Variants in DLG2 observed in about 807,000 individuals in gnomAD.
The protein encoded by DLG2 is discs large MAGUK scaffold protein 2, also known as disks large homolog 2.
In DLG2, 45 loss-of-function variants were observed where a neutral mutation model predicts 132.5. That is an observed-to-expected ratio of 0.34 (90% CI 0.27 to 0.44). The LOEUF is 0.44. Among genes scored for constraint, DLG2 ranks in the 20% least tolerant of loss-of-function variants. The pLI is 1.00. For synonymous variants in DLG2, 424 were observed against 419.6 expected (o/e 1.01, Z -0.13); for missense variants, 1,045 against 1,196.9 (o/e 0.87, Z 1.87).
chr11:85,413,860 T>C (rs750793650), intron 3 of DLG2, among the ~76,000 whole-genome samples: 1 of 152,116 alleles, frequency 6.6e-6, no homozygotes, highest in East Asian at 1.9e-4. Flanking sequence ...TTATTTTTGC[T>C]TAGTCTTGCT....
intron 3 of DLG2, among the ~76,000 whole-genome samples, chr11:85,594,594 T>C (rs1188632588): frequency 6.6e-6 from 1 of 152,190 alleles, no homozygotes; most frequent in African/African-American, 2.4e-5. Flanking sequence ...CCATACTTTA[T>C]AAGTAATGAC....
Position 85,285,226 on chromosome 11 carries a change from A to C in DLG2, c.180T>G (p.Ser60=), listed in dbSNP as rs1162121508. 1 of 1,611,038 alleles carries C rather than the reference A, an allele frequency of 6.2e-7. No homozygotes were observed. Among genetic ancestry groups the C allele is most frequent in the East Asian group, 2.2e-5 (1 of 44,778 alleles). ...GGAAGTTTCAGTAGTATACCTCTGA[A>C]GATTTTTGAAGTCTGTCATGGCACG... is the stretch of plus-strand genomic sequence containing the variant. The part of the protein sequence containing the change: ...LAPCHDRLQK[S]SELTDCSGSK... The change falls in exon 4 of 28, where the codon TCT becomes TCG. Residue 60 remains serine (S), a synonymous_variant. Coordinates refer to ENST00000376104, the MANE Select transcript of DLG2 (RefSeq NM_001142699.3).
At chr11:83,843,675 A>C (rs7106788) in intron 16 of DLG2, among the ~76,000 whole-genome samples, 100,448 of 151,826 alleles carry the variant, frequency 0.66, 33,412 homozygotes, top group Middle Eastern at 0.77. Flanking sequence ...CTCTTGGGAT[A>C]TGTGGGAAGC....
chr11:84,752,822 G>C (rs903543429), intron 6 of DLG2, among the ~76,000 whole-genome samples: 6 of 141,958 alleles, frequency 4.2e-5, no homozygotes, highest in African/African-American at 1.6e-4. Flanking sequence ...TGCGGTGTTT[G>C]GTTTTTTGTT....
Position 84,059,319 on chromosome 11 carries a change from A to G in DLG2, c.915T>C (p.Pro305=), listed in dbSNP as rs1408027965. The G allele has an allele frequency of 6.2e-7, 1 of 1,612,958 alleles. No homozygotes were observed. Among genetic ancestry groups the G allele is most frequent in the African/African-American group, 1.3e-5 (1 of 74,854 alleles). The stretch of plus-strand genomic sequence containing the variant: ...AGTCATTTATATTTTGATTACCTTT[A>G]GGGCCTTTGAACAGTTTGATTTCCA... ...TVVEIKLFKG[P]KGLGFSIAGG... is the part of the protein sequence containing the mutation. The change falls in exon 11 of 28, where the codon CCT becomes CCC. Residue 305 remains proline, a synonymous_variant. Transcript: ENST00000376104.
At chr11:85,404,800 C>T (rs1286494178) in intron 3 of DLG2, among the ~76,000 whole-genome samples, 1 of 151,994 alleles carries the variant, frequency 6.6e-6, no homozygotes. Flanking sequence ...ACCCTCAAAA[C>T]ATTTTTAGTG....
chr11:83,880,930 T>A (rs2066069371), intron 15 of DLG2, among the ~76,000 whole-genome samples: 1 of 152,216 alleles, frequency 6.6e-6, no homozygotes, highest in South Asian at 2.1e-4. Context: ...CACTTTTGAT[T>A]CTTTCTTTAT....
At chr11:85,515,293 G>A (rs765209480) in intron 3 of DLG2, among the ~76,000 whole-genome samples, 7 of 151,806 alleles carry the variant, frequency 4.6e-5, no homozygotes, top group Admixed American at 1.3e-4. Context: ...GTTCTCTAAC[G>A]GGGGCAGATA....
intron 4 of DLG2, among the ~76,000 whole-genome samples, chr11:85,233,237 T>C (rs927224866): frequency 1.3e-5 from 2 of 151,876 alleles, no homozygotes; most frequent in Non-Finnish European, 2.9e-5. Flanking sequence ...TTGTTTTTTT[T>C]CTTAGAGGCA....
chr11:84,631,018 T>TCTCACA (rs1217703556), intron 6 of DLG2, among the ~76,000 whole-genome samples: 31 of 94,288 alleles, frequency 3.3e-4, no homozygotes, highest in Admixed American at 1.3e-3. Context: ...TCTCTCTCTC[T>TCTCACA]CACACACACA....
intron 7 of DLG2, among the ~76,000 whole-genome samples, chr11:84,322,925 G>A (rs1290061613): frequency 6.6e-6 from 1 of 152,068 alleles, no homozygotes; most frequent in African/African-American, 2.4e-5. Flanking sequence ...GTGCTTCAAA[G>A]AATATGAAGG....
intron 6 of DLG2, among the ~76,000 whole-genome samples, chr11:84,840,217 C>G (rs1420352060): frequency 1.1e-4 from 17 of 152,132 alleles, no homozygotes; most frequent in Admixed American, 7.9e-4. Flanking sequence ...GACGTTTATG[C>G]AGCCAACAGA....
chr11:83,627,131 C>A (rs1425193049), intron 19 of DLG2, among the ~76,000 whole-genome samples: 2 of 152,032 alleles, frequency 1.3e-5, no homozygotes, highest in Admixed American at 1.3e-4. Context: ...TCCCATGTGC[C>A]AGATATCTAA....
intron 6 of DLG2, among the ~76,000 whole-genome samples, chr11:84,941,637 G>T (rs1429633092): frequency 1.3e-5 from 2 of 150,158 alleles, no homozygotes; most frequent in Non-Finnish European, 3.0e-5. Context: ...CTAGTATTTT[G>T]TTGAGAATTT....
chr11:84,536,647 C>T (rs916750181), intron 6 of DLG2, among the ~76,000 whole-genome samples: 1 of 152,138 alleles, frequency 6.6e-6, no homozygotes, highest in Non-Finnish European at 1.5e-5. Flanking sequence ...TTAACTCCCA[C>T]GTCTGCTCCA....
At chr11:83,573,178 T>C (rs1799932932) in intron 19 of DLG2, among the ~76,000 whole-genome samples, 6 of 152,324 alleles carry the variant, frequency 3.9e-5, no homozygotes, top group Admixed American at 3.9e-4. Context: ...AATCAATTTA[T>C]GACTAAATAA....
chr11:83,514,677 A>G (rs1213451569), intron 21 of DLG2, among the ~76,000 whole-genome samples: 3 of 152,154 alleles, frequency 2.0e-5, no homozygotes, highest in African/African-American at 7.2e-5. Context: ...TGTCATAGAT[A>G]GCTCTTATTA....
At chr11:84,326,951 T>A in intron 7 of DLG2, among the ~76,000 whole-genome samples, 1 of 152,124 alleles carries the variant, frequency 6.6e-6, no homozygotes, top group African/African-American at 2.4e-5. Context: ...TTGACCCTTC[T>A]ATCATTATAT....
chr11:83,771,552 T>A (rs577516219), intron 18 of DLG2, among the ~76,000 whole-genome samples: 4 of 152,184 alleles, frequency 2.6e-5, no homozygotes, highest in Admixed American at 2.6e-4. Flanking sequence ...GCTACAAATA[T>A]GTACAGCATG....
Sources: allele counts gnomAD v4.1 joint callset (sites outside exome capture counted in the v4.1 genomes callset), GRCh38; gene constraint gnomAD v4.1.1; transcripts MANE v1.5; gene names NCBI Gene and HGNC (gene_info 2026-07-23, HGNC 2026-07-21).